The following VSTM2L variants were observed in gnomAD, a reference collection of about 807,000 sequenced individuals.
VSTM2L encodes V-set and transmembrane domain containing 2 like.
In VSTM2L, 9 loss-of-function variants were observed where a neutral mutation model predicts 19.9. That is an observed-to-expected ratio of 0.45 (90% CI 0.27 to 0.79). The LOEUF is 0.79. VSTM2L is among the 30% of genes least tolerant of loss of function. The probability of loss-of-function intolerance (pLI) is 0.15; values close to 1 mark genes in which losing one functional copy is unlikely to be tolerated. For missense variants in VSTM2L, 286 were observed against 295.5 expected, an observed-to-expected ratio of 0.97 and a Z score of 0.24; for synonymous variants, 127 against 133.8, an observed-to-expected ratio of 0.95 and a Z score of 0.35.
At chr20:37,916,490 A>G (rs1433963091) in intron 1 of VSTM2L, among the ~76,000 whole-genome samples, 5 of 152,238 alleles carry the variant, frequency 3.3e-5, no homozygotes, top group Non-Finnish European at 7.3e-5. Context: ...AAATCTCCCT[A>G]GATTTGTAAT....
At chr20:37,908,263 T>C (rs972643708) in intron 1 of VSTM2L, among the ~76,000 whole-genome samples, 1 of 152,108 alleles carries the variant, frequency 6.6e-6, no homozygotes, top group Non-Finnish European at 1.5e-5. Flanking sequence ...ACAGCAAGGA[T>C]GGTGGGCAAA....
intron 1 of VSTM2L, among the ~76,000 whole-genome samples, chr20:37,921,536 A>G (rs537401484): frequency 4.1e-4 from 62 of 152,358 alleles, no homozygotes; most frequent in Middle Eastern, 3.4e-3. Context: ...CTGCCGGGAC[A>G]TGGCAGTGAA....
intron 1 of VSTM2L, among the ~76,000 whole-genome samples, chr20:37,914,137 ATG>A (rs1317472903): frequency 6.6e-6 from 1 of 150,462 alleles, no homozygotes; most frequent in Non-Finnish European, 1.5e-5. Context: ...GCGCGCACGA[ATG>A]TGTGTGTGCG....
chr20:37,907,146 G>A (rs2072755826), intron 1 of VSTM2L, among the ~76,000 whole-genome samples: 1 of 152,078 alleles, frequency 6.6e-6, no homozygotes. Flanking sequence ...TTGCTCTATT[G>A]ACCAGGCTCG....
chr20:37,934,998 A>G (rs1389004252), intron 3 of VSTM2L, among the ~76,000 whole-genome samples: 1 of 152,168 alleles, frequency 6.6e-6, no homozygotes, highest in Non-Finnish European at 1.5e-5. Flanking sequence ...CCATCCGTTA[A>G]GCCCAGGCAG....
Position 37,944,439 on chromosome 20 carries a change from T to G in VSTM2L, c.*186T>G. On this transcript the variant is annotated 3_prime_UTR_variant, in exon 4 of 4. Transcript: ENST00000373461. ...ATGTAAGCCCCACCCACCCCTGCCC[T>G]TTCAGACCCCTGCGGTGACCTGGCT... 294 of 535,566 alleles carry G rather than the reference T, an allele frequency of 5.5e-4. No individual in the cohort carries two copies. The highest frequency in any genetic ancestry group is 7.7e-4 in the Non-Finnish European group (268 of 348,858). The allele number at this position is 535,566 out of a possible 1,614,324, so 33.2% of individuals were successfully genotyped here.
Position 37,931,784 on chromosome 20 carries a change from C to G in VSTM2L, c.271C>G (p.Gln91Glu). The G allele has an allele frequency of 1.2e-6, 2 of 1,613,840 alleles. No homozygotes were observed. The highest frequency in any genetic ancestry group is 1.7e-6 in the Non-Finnish European group (2 of 1,179,956). ...GAGCCACCGGGACTGGACCGACAAG[C>G]AGGCGTGGGCCTCGAACCAGGTAAT... ...VRSHRDWTDK[Q>E]AWASNQLKAS... Residue 91 changes from glutamine (Q) to glutamate (E), a missense_variant, in exon 2 of 4, where the codon CAG becomes GAG. By Grantham distance (29) the Gln-to-Glu change is conservative. Transcript: ENST00000373461.
At chr20:37,941,073 G>A (rs932258835) in intron 3 of VSTM2L, among the ~76,000 whole-genome samples, 2 of 152,206 alleles carry the variant, frequency 1.3e-5, no homozygotes, top group African/African-American at 4.8e-5. Context: ...TTCAGTTGGA[G>A]AAAGAAGGTC....
At chr20:37,912,580 T>C (rs1600561398) in intron 1 of VSTM2L, among the ~76,000 whole-genome samples, 1 of 152,162 alleles carries the variant, frequency 6.6e-6, no homozygotes, top group African/African-American at 2.4e-5. Flanking sequence ...TGGGGGCAGG[T>C]CAGGGCTGGG....
chr20:37,905,960 G>A (rs1193847569), intron 1 of VSTM2L, among the ~76,000 whole-genome samples: 1 of 151,654 alleles, frequency 6.6e-6, no homozygotes, highest in Non-Finnish European at 1.5e-5. Context: ...AGCAGATTGG[G>A]GCCTGATCAT....
chr20:37,944,628 A>C lies in VSTM2L; in HGVS notation c.*375A>C. The C allele has an allele frequency of 9.7e-7, 1 of 1,026,846 alleles. No individual in the cohort carries two copies. The highest frequency in any genetic ancestry group is 1.2e-6 in the Non-Finnish European group (1 of 857,986). The allele number at this position is 1,026,846 out of a possible 1,614,324, so 63.6% of individuals were successfully genotyped here. On this transcript the variant is annotated 3_prime_UTR_variant, in exon 4 of 4. Transcript: ENST00000373461. The stretch of plus-strand genomic sequence containing the variant: ...ATCCTGTCCTGAGCCGGGGCCCCCC[A>C]GCCTCGCCTCCCTCCTCCTACCATC...
chr20:37,918,288 C>T (rs2072831416), intron 1 of VSTM2L, among the ~76,000 whole-genome samples: 1 of 152,166 alleles, frequency 6.6e-6, no homozygotes, highest in African/African-American at 2.4e-5. Flanking sequence ...CATCGGAAGC[C>T]AGGGCTGGTG....
chr20:37,940,349 A>G (rs902772674), intron 3 of VSTM2L, among the ~76,000 whole-genome samples: 2 of 151,944 alleles, frequency 1.3e-5, no homozygotes, highest in African/African-American at 2.4e-5. Context: ...ACTGCTTGCC[A>G]TGGGGAAGTC....
intron 1 of VSTM2L, among the ~76,000 whole-genome samples, chr20:37,914,548 C>T (rs2122945457): frequency 6.6e-6 from 1 of 151,456 alleles, no homozygotes; most frequent in South Asian, 2.1e-4. Context: ...CTAGTCCTTG[C>T]ACACACCAAG....
At chr20:37,925,539 G>T (rs1030714351) in intron 1 of VSTM2L, among the ~76,000 whole-genome samples, 2 of 152,094 alleles carry the variant, frequency 1.3e-5, no homozygotes, top group African/African-American at 4.8e-5. Context: ...TTGGGGTGGA[G>T]GTCGGGACAG....
chr20:37,931,804 G>A lies in VSTM2L; in HGVS notation c.291G>A (p.Gln97=). The A allele has an allele frequency of 1.2e-6, 2 of 1,613,352 alleles. No homozygotes were observed. Among genetic ancestry groups the A allele is most frequent in the Non-Finnish European group, 1.7e-6 (2 of 1,179,800 alleles). ...WTDKQAWASN[Q]LKASQQEDAG... ...ACAAGCAGGCGTGGGCCTCGAACCA[G>A]GTAATGCCCCTGGGGAGATGCCCAA... is the stretch of plus-strand genomic sequence containing the variant. The change falls in exon 2 of 4, where the codon CAG becomes CAA. Residue 97 remains glutamine, a splice_region_variant and synonymous_variant. Transcript: ENST00000373461.
At chr20:37,911,643 C>A (rs1458772927) in intron 1 of VSTM2L, among the ~76,000 whole-genome samples, 2 of 152,160 alleles carry the variant, frequency 1.3e-5, no homozygotes, top group African/African-American at 4.8e-5. Context: ...GGTGACTTCA[C>A]TTCAGCTCTT....
At chr20:37,918,415 C>G (rs2072832253) in intron 1 of VSTM2L, among the ~76,000 whole-genome samples, 1 of 152,200 alleles carries the variant, frequency 6.6e-6, no homozygotes, top group Non-Finnish European at 1.5e-5. Flanking sequence ...TCGCCAGTCT[C>G]CCTTGTTAAT....
intron 1 of VSTM2L, among the ~76,000 whole-genome samples, chr20:37,910,416 G>A (rs991330730): frequency 2.6e-5 from 4 of 152,204 alleles, no homozygotes; most frequent in Non-Finnish European, 5.9e-5. Flanking sequence ...GGAGCTACTG[G>A]CCTAATGAGG....
Sources: gnomAD v4.1 joint callset for allele counts (sites outside exome capture counted in the v4.1 genomes callset) on GRCh38, gnomAD v4.1.1 for gene constraint, MANE v1.5 for transcripts, NCBI Gene and HGNC (gene_info 2026-07-23, HGNC 2026-07-21) for gene names.